Variants in JAKMIP2 observed in about 807,000 individuals in gnomAD.
JAKMIP2 encodes the protein janus kinase and microtubule-interacting protein 2.
JAKMIP2 carries 25 observed loss-of-function variants against 115.0 expected under a neutral mutation model. The ratio of observed to expected loss-of-function variants is 0.22; its 90% CI spans 0.16 to 0.30. The LOEUF is 0.30. Among genes scored for constraint, JAKMIP2 ranks in the 10% least tolerant of loss-of-function variants. JAKMIP2 has a pLI of 1.00. For missense variants in JAKMIP2, 642 were observed against 957.6 expected, an observed-to-expected ratio of 0.67 and a Z score of 4.35; for synonymous variants, 334 against 343.6, an observed-to-expected ratio of 0.97 and a Z score of 0.31.
chr5:147,754,217 T>C (rs550988749), intron 1 of JAKMIP2, among the ~76,000 whole-genome samples: 1 of 152,278 alleles, frequency 6.6e-6, no homozygotes, highest in African/African-American at 2.4e-5. Flanking sequence ...CAACCTCTAA[T>C]TTGTAACAAG....
intron 10 of JAKMIP2, among the ~76,000 whole-genome samples, chr5:147,638,325 G>A (rs991936223): frequency 6.6e-6 from 1 of 151,846 alleles, no homozygotes; most frequent in African/African-American, 2.4e-5. Context: ...ACACAGGGAG[G>A]AATCTCCAAA....
chr5:147,653,249 C>T (rs187370676), intron 3 of JAKMIP2, among the ~76,000 whole-genome samples: 14 of 152,108 alleles, frequency 9.2e-5, no homozygotes, highest in African/African-American at 2.6e-4. Flanking sequence ...TAGGTCAAAA[C>T]GTATTTCTGG....
At chr5:147,778,327 C>T (rs553000031) in intron 1 of JAKMIP2, among the ~76,000 whole-genome samples, 1 of 151,462 alleles carries the variant, frequency 6.6e-6, no homozygotes, top group South Asian at 2.1e-4. Flanking sequence ...GTTTTTTTGC[C>T]TGATACCCTA....
intron 1 of JAKMIP2, among the ~76,000 whole-genome samples, chr5:147,731,297 C>T (rs1465321265): frequency 4.6e-5 from 7 of 152,176 alleles, no homozygotes; most frequent in African/African-American, 1.4e-4. Flanking sequence ...GTAATTTACA[C>T]TTCTGGGTAA....
intron 1 of JAKMIP2, among the ~76,000 whole-genome samples, chr5:147,716,484 C>G (rs1185288771): frequency 6.6e-6 from 1 of 150,814 alleles, no homozygotes; most frequent in African/African-American, 2.4e-5. Flanking sequence ...GTTCCTATTT[C>G]TCCACATCCT....
intron 2 of JAKMIP2, 138 bp downstream of exon 2, chr5:147,671,540 T>C (rs1170494141): frequency 1.8e-6 from 1 of 557,720 alleles, no homozygotes; most frequent in Non-Finnish European, 2.7e-6. Flanking sequence ...AAGCTCTCCA[T>C]GTTTACAGGG....
In JAKMIP2 at chr5:147,650,407, G is replaced by A. The variant is rs772839208; in HGVS notation, c.768C>T (p.Cys256=). 1.2e-6 allele frequency: 2 copies of A among 1,613,736 alleles called. No homozygotes were observed. Among genetic ancestry groups the A allele is most frequent in the Admixed American group, 1.7e-5 (1 of 59,980 alleles). ...EQLFLVKEAE[C]NMSSPKREIP... ...TTTCTCGTTTTGGGCTGCTCATGTT[G>A]CACTCAGCCTCCTTGACCAGAAAGA... Residue 256 remains cysteine (C), a synonymous_variant, in exon 4 of 22, where the codon TGC becomes TGT. Transcript: ENST00000616793.
At chr5:147,656,472 T>C (rs1436028163) in intron 3 of JAKMIP2, among the ~76,000 whole-genome samples, 6 of 152,236 alleles carry the variant, frequency 3.9e-5, no homozygotes, top group African/African-American at 7.2e-5. Flanking sequence ...TCTTTGTTGG[T>C]TTAAAGTCTG....
intron 4 of JAKMIP2, 136 bp downstream of exon 4, chr5:147,650,202 T>C (rs1254122377): frequency 1.6e-6 from 1 of 643,350 alleles, no homozygotes; most frequent in South Asian, 1.9e-5. Flanking sequence ...GTTCTCAAGA[T>C]ACTAGCTGAT....
At chr5:147,667,654 C>T (rs1420094481) in intron 2 of JAKMIP2, among the ~76,000 whole-genome samples, 2 of 152,186 alleles carry the variant, frequency 1.3e-5, no homozygotes, top group East Asian at 3.9e-4. Context: ...GAAGGAGTCG[C>T]TCTAGGAAGA....
chr5:147,695,650 CTG>C lies in JAKMIP2; in HGVS notation c.-148-23698_-148-23697del, dbSNP rs572202242. Among the ~76,000 whole-genome samples the C allele has an allele frequency of 1.9e-3, 275 of 142,560 alleles. 3 individuals are homozygous for C. The highest frequency in any genetic ancestry group is 0.018 in the Middle Eastern group (5 of 280). The allele number at this position is 142,560 out of a possible 152,430, so 93.5% of individuals were successfully genotyped here. Reference sequence around the variant, plus strand: ...CTCTATTGTTACGGAAGTGAAAGGTCTGTGTGTGTGTGTGTGTGTGTGTGTGT... The same window carrying C: ...CTCTATTGTTACGGAAGTGAAAGGTCTGTGTGTGTGTGTGTGTGTGTGTGT... On this transcript the variant is annotated intron_variant, in intron 1 of 21. Transcript: ENST00000616793.
intron 3 of JAKMIP2, 71 bp downstream of exon 3, chr5:147,660,877 C>T: frequency 6.5e-7 from 1 of 1,532,216 alleles, no homozygotes; most frequent in Non-Finnish European, 8.8e-7. Context: ...CATGAAGAAG[C>T]AAACCCCACA....
At chr5:147,731,403 G>A (rs976941490) in intron 1 of JAKMIP2, among the ~76,000 whole-genome samples, 4 of 152,146 alleles carry the variant, frequency 2.6e-5, no homozygotes, top group African/African-American at 9.7e-5. Flanking sequence ...GCCCAGGTCT[G>A]GACAATAAAT....
At chr5:147,767,928 C>A (rs1168889408) in intron 1 of JAKMIP2, among the ~76,000 whole-genome samples, 1 of 152,104 alleles carries the variant, frequency 6.6e-6, no homozygotes, top group Non-Finnish European at 1.5e-5. Flanking sequence ...GCAAAGTGAT[C>A]TGTTTGTGTT....
chr5:147,598,693 C>G (rs922286080), intron 21 of JAKMIP2, among the ~76,000 whole-genome samples: 2 of 151,992 alleles, frequency 1.3e-5, no homozygotes, highest in African/African-American at 4.8e-5. Context: ...AGGGAGCGTT[C>G]GATGGCTTCT....
At chr5:147,691,987 T>C (rs957224218) in intron 1 of JAKMIP2, among the ~76,000 whole-genome samples, 2 of 152,162 alleles carry the variant, frequency 1.3e-5, no homozygotes, top group Non-Finnish European at 2.9e-5. Flanking sequence ...CCATAGATTC[T>C]AATCATCTCA....
At chr5:147,693,678 A>G (rs1229876887) in intron 1 of JAKMIP2, among the ~76,000 whole-genome samples, 1 of 148,456 alleles carries the variant, frequency 6.7e-6, no homozygotes, top group Non-Finnish European at 1.5e-5. Context: ...TGGAATTAAA[A>G]CTCCCTGCTT....
At chr5:147,663,601 C>A (rs1759143682) in intron 2 of JAKMIP2, among the ~76,000 whole-genome samples, 1 of 152,186 alleles carries the variant, frequency 6.6e-6, no homozygotes, top group South Asian at 2.1e-4. Flanking sequence ...TTAGTTCTGT[C>A]CCTCTAGAGA....
chr5:147,723,395 G>A (rs1275213090), intron 1 of JAKMIP2, among the ~76,000 whole-genome samples: 1 of 151,902 alleles, frequency 6.6e-6, no homozygotes, highest in Non-Finnish European at 1.5e-5. Context: ...AGAGAATGGG[G>A]GGAAAGTTTA....
Sources: allele counts gnomAD v4.1 joint callset (sites outside exome capture counted in the v4.1 genomes callset), GRCh38; gene constraint gnomAD v4.1.1; transcripts MANE v1.5; gene names NCBI Gene and HGNC (gene_info 2026-07-23, HGNC 2026-07-21).